Variants in NFIX observed in about 807,000 individuals in gnomAD.
The protein encoded by NFIX is nuclear factor 1 X-type.
NFIX carries 2 observed loss-of-function variants against 53.3 expected under a neutral mutation model. The ratio of observed to expected loss-of-function variants is 0.04; its 90% CI spans 0.02 to 0.12. The LOEUF (loss-of-function observed/expected upper bound fraction) is 0.12, where lower values mean the gene tolerates loss of function less well. Among genes scored for constraint, NFIX ranks in the 10% least tolerant of loss-of-function variants. NFIX has a pLI of 1.00. For missense variants in NFIX, 310 were observed against 674.5 expected (o/e 0.46, Z 5.99); for synonymous variants, 244 against 289.0 (o/e 0.84, Z 1.58).
chr19:13,012,989 G>T lies in NFIX; in HGVS notation c.28-12032G>T, dbSNP rs2012449897. Among the ~76,000 whole-genome samples the T allele has an allele frequency of 6.6e-6, 1 of 152,146 alleles. No homozygotes were observed. Among genetic ancestry groups the T allele is most frequent in the African/African-American group, 2.4e-5 (1 of 41,530 alleles). On this transcript the variant is annotated intron_variant, in intron 1 of 10. Coordinates refer to ENST00000592199, the MANE Select transcript of NFIX (RefSeq NM_001365902.3). This position sits in a 1 kb window ranked among gnomAD's most constrained non-coding sequence, Gnocchi z 5.0. The stretch of plus-strand genomic sequence containing the variant: ...CCTCCAGCGAGCGCGGGGAAGAAAT[G>T]TGACTAAGTGGCAGAAAATGCGCTT...
intron 2 of NFIX, among the ~76,000 whole-genome samples, chr19:13,042,510 A>G (rs888705320): frequency 1.3e-5 from 2 of 151,410 alleles, no homozygotes; most frequent in Non-Finnish European, 2.9e-5. Context: ...GTGCGCCACC[A>G]CACCTGGCTA....
At chr19:13,004,880 A>G (rs1417570648) in intron 1 of NFIX, among the ~76,000 whole-genome samples, 1 of 150,750 alleles carries the variant, frequency 6.6e-6, no homozygotes, top group African/African-American at 2.5e-5. Context: ...GTAGTGGTGC[A>G]ATCTCAGCTC....
Position 13,067,485 on chromosome 19 carries a change from T to TGTGTGTGTGTGC in NFIX, c.560-5551_560-5550insCGTGTGTGTGTG, listed in dbSNP as rs2016495521. 3.8e-5 allele frequency among the ~76,000 whole-genome samples: 1 copy of TGTGTGTGTGTGC among 26,648 alleles called. No homozygotes were observed. Among genetic ancestry groups the TGTGTGTGTGTGC allele is most frequent in the Admixed American group, 4.0e-4 (1 of 2,528 alleles). 17.5% of individuals were successfully genotyped at this position (26,648 alleles called of 152,430 possible). ...GCGCGTGTGTGTGTGTGTGTGTGCG[T>TGTGTGTGTGTGC]GTGTGTGTGTGTGTGTGTGTATGTG... On this transcript the variant is annotated intron_variant, in intron 2 of 10. Coordinates refer to ENST00000592199, the MANE Select transcript of NFIX (RefSeq NM_001365902.3). This position sits in a 1 kb window ranked among gnomAD's most constrained non-coding sequence, Gnocchi z 4.2.
At position 13,048,100 on chromosome 19, in the gene NFIX, C is replaced by T. The variant is rs374430687; in HGVS notation, c.559+22548C>T. Among the ~76,000 whole-genome samples, 54 of 152,328 alleles carry T rather than the reference C, an allele frequency of 3.5e-4. 2 individuals are homozygous for T. The highest frequency in any genetic ancestry group is 1.2e-3 in the African/African-American group (49 of 41,580). ...TGTGTTATGCCTAGAAGCTGGCAGA[C>T]GGAAGAATCTTGCTCAAGGCCACCC... is the stretch of plus-strand genomic sequence containing the variant. On this transcript the variant is annotated intron_variant, in intron 2 of 10. Coordinates refer to ENST00000592199, the MANE Select transcript of NFIX (RefSeq NM_001365902.3).
Position 13,068,300 on chromosome 19 carries a change from GGGGAGGCAAAGGAAGGACAGA to G in NFIX, c.560-4740_560-4720del. On this transcript the variant is annotated intron_variant, in intron 2 of 10. Coordinates refer to ENST00000592199, the MANE Select transcript of NFIX (RefSeq NM_001365902.3). The surrounding 1 kb of genome is among the most constrained non-coding windows in gnomAD (Gnocchi z 4.2). ...AAGAGGGGGGTGCTGAAGAGGTGAG[GGGGAGGCAAAGGAAGGACAGA>G]GGGAGGGGAGCCAAGGGAGACAGGG... is the stretch of plus-strand genomic sequence containing the variant. 6.6e-6 allele frequency among the ~76,000 whole-genome samples: 1 copy of G among 152,088 alleles called. No individual in the cohort carries two copies.
intron 2 of NFIX, among the ~76,000 whole-genome samples, chr19:13,041,646 T>C (rs899066687): frequency 3.3e-5 from 5 of 151,774 alleles, no homozygotes; most frequent in African/African-American, 1.2e-4. Flanking sequence ...AATACAAAAT[T>C]AGCCAGGCAT....
intron 1 of NFIX, among the ~76,000 whole-genome samples, chr19:13,010,758 G>A (rs2012296115): frequency 6.6e-6 from 1 of 152,184 alleles, no homozygotes; most frequent in Admixed American, 6.5e-5. Context: ...CTGCACACGC[G>A]TGTTTCACAT....
In NFIX at chr19:13,078,184, T is replaced by G. The variant is rs771051572; in HGVS notation, c.956-429T>G. 6.6e-6 allele frequency among the ~76,000 whole-genome samples: 1 copy of G among 152,100 alleles called. No homozygotes were observed. Among genetic ancestry groups the G allele is most frequent in the East Asian group, 1.9e-4 (1 of 5,176 alleles). On this transcript the variant is annotated intron_variant, in intron 6 of 10. Transcript: ENST00000592199. The surrounding 1 kb of genome is among the most constrained non-coding windows in gnomAD (Gnocchi z 4.7). ...TCCCATGGCCCCGGGCACCATGGCA[T>G]AGACCCCAGCCTGTCCCTCCCAAAC... is the stretch of plus-strand genomic sequence containing the variant.
Position 13,011,112 on chromosome 19 carries a change from G to C in NFIX, c.28-13909G>C, listed in dbSNP as rs1460642849. On this transcript the variant is annotated intron_variant, in intron 1 of 10. Coordinates refer to ENST00000592199, the MANE Select transcript of NFIX (RefSeq NM_001365902.3). This position sits in a 1 kb window ranked among gnomAD's most constrained non-coding sequence, Gnocchi z 6.5. ...TGCAAAAACCATTTCGCCAGGCAGG[G>C]ATGTAGGGGGAGGCGGGAGCAGCCC... Among the ~76,000 whole-genome samples, 7 of 152,168 alleles carry C rather than the reference G, an allele frequency of 4.6e-5. No homozygotes were observed. The highest frequency in any genetic ancestry group is 8.8e-5 in the Non-Finnish European group (6 of 68,018).
chr19:13,094,231 A>G lies in NFIX; in HGVS notation c.1495-404A>G, dbSNP rs2018309036. 6.6e-6 allele frequency among the ~76,000 whole-genome samples: 1 copy of G among 152,146 alleles called. No individual in the cohort carries two copies. The highest frequency in any genetic ancestry group is 2.1e-4 in the South Asian group (1 of 4,826). On this transcript the variant is annotated intron_variant, in intron 10 of 10. Coordinates refer to ENST00000592199, the MANE Select transcript of NFIX (RefSeq NM_001365902.3). This position sits in a 1 kb window ranked among gnomAD's most constrained non-coding sequence, Gnocchi z 4.3. ...TCAGCAAGAAGCTGGGCCACCCCCA[A>G]CCCATTCCTAAAACCCCTCTGGGTA...
chr19:13,016,681 G>A (rs1475686059), intron 1 of NFIX, among the ~76,000 whole-genome samples: 1 of 143,630 alleles, frequency 7.0e-6, no homozygotes, highest in African/African-American at 2.6e-5. Context: ...AATGGATCTT[G>A]TAGTCTGACA....
At chr19:13,092,979 A>G (rs2018235677) in intron 10 of NFIX, among the ~76,000 whole-genome samples, 1 of 152,270 alleles carries the variant, frequency 6.6e-6, no homozygotes, top group Non-Finnish European at 1.5e-5. Flanking sequence ...CAGCACATAC[A>G]GGAAATTTAG....
At position 13,009,682 on chromosome 19, in the gene NFIX, C is replaced by T. The variant is rs558872482; in HGVS notation, c.27+13818C>T. ...GCCCCTGGCTGGGAAAACAGGGCCACGCCCTCCCCACCAAATGCTACTTGG... is the reference window on the plus strand; with the variant it reads ...GCCCCTGGCTGGGAAAACAGGGCCATGCCCTCCCCACCAAATGCTACTTGG... On this transcript the variant is annotated intron_variant, in intron 1 of 10. Transcript: ENST00000592199. This position sits in a 1 kb window ranked among gnomAD's most constrained non-coding sequence, Gnocchi z 4.7. 6.6e-6 allele frequency among the ~76,000 whole-genome samples: 1 copy of T among 152,336 alleles called. No homozygotes were observed. Among genetic ancestry groups the T allele is most frequent in the Middle Eastern group, 3.4e-3 (1 of 294 alleles).
In NFIX at chr19:13,002,564, G is replaced by T. The variant is rs1381071816; in HGVS notation, c.27+6700G>T. 1.3e-5 allele frequency among the ~76,000 whole-genome samples: 2 copies of T among 152,138 alleles called. No individual in the cohort carries two copies. The highest frequency in any genetic ancestry group is 2.4e-5 in the African/African-American group (1 of 41,434). On this transcript the variant is annotated intron_variant, in intron 1 of 10. Coordinates refer to ENST00000592199, the MANE Select transcript of NFIX (RefSeq NM_001365902.3). The surrounding 1 kb of genome is among the most constrained non-coding windows in gnomAD (Gnocchi z 6.1). ...CAGGGTGACTGAGCTGCCCGGCGGG[G>T]CGGGCGGGCAGGGAGGGGTCGGGGG...
chr19:13,072,393 C>T lies in NFIX; in HGVS notation c.560-654C>T, dbSNP rs555656724. Among the ~76,000 whole-genome samples the T allele has an allele frequency of 5.9e-5, 9 of 152,354 alleles. No homozygotes were observed. Among genetic ancestry groups the T allele is most frequent in the East Asian group, 3.9e-4 (2 of 5,188 alleles). On this transcript the variant is annotated intron_variant, in intron 2 of 10. Coordinates refer to ENST00000592199, the MANE Select transcript of NFIX (RefSeq NM_001365902.3). The surrounding 1 kb of genome is among the most constrained non-coding windows in gnomAD (Gnocchi z 4.0). ...ACAGCCCAGACAGGCTGGCACAGAG[C>T]GGGCGACAGCGTCAGGGCAGACCTC... is the stretch of plus-strand genomic sequence containing the variant.
chr19:13,047,012 T>G (rs2015033403), intron 2 of NFIX, among the ~76,000 whole-genome samples: 1 of 152,188 alleles, frequency 6.6e-6, no homozygotes, highest in Non-Finnish European at 1.5e-5. Context: ...TACTCCCCAC[T>G]AAGGCTGCCA....
chr19:13,039,252 G>A (rs1162278074), intron 2 of NFIX, among the ~76,000 whole-genome samples: 1 of 151,364 alleles, frequency 6.6e-6, no homozygotes, highest in African/African-American at 2.5e-5. Context: ...ACACGTGTGT[G>A]TGTGTGTGTA....
chr19:13,061,082 A>AGC (rs2016050257), intron 2 of NFIX, among the ~76,000 whole-genome samples: 10 of 136,850 alleles, frequency 7.3e-5, no homozygotes, highest in East Asian at 4.8e-4. Context: ...GTGGCCTTAG[A>AGC]CCCCCCCCTC....
At chr19:13,010,313 A>AC (rs1193476512) in intron 1 of NFIX, among the ~76,000 whole-genome samples, 1 of 151,882 alleles carries the variant, frequency 6.6e-6, no homozygotes, top group Non-Finnish European at 1.5e-5. Flanking sequence ...GCACTCGCAC[A>AC]CCCCCTGGCC....
Sources: allele counts gnomAD v4.1 joint callset (sites outside exome capture counted in the v4.1 genomes callset), GRCh38; gene constraint gnomAD v4.1.1; non-coding constraint Gnocchi (gnomAD v3.1); transcripts MANE v1.5; gene names NCBI Gene and HGNC (gene_info 2026-07-23, HGNC 2026-07-21).